Variants in NUP98 observed in about 807,000 individuals in gnomAD.
The protein encoded by NUP98 is nuclear pore complex protein Nup98-Nup96.
A neutral mutation model predicts 191.9 loss-of-function variants in NUP98; 26 were observed. The ratio of observed to expected loss-of-function variants is 0.14; its 90% CI spans 0.10 to 0.19. The LOEUF is 0.19. Among genes scored for constraint, NUP98 ranks in the 10% least tolerant of loss-of-function variants. The pLI is 1.00. For synonymous variants in NUP98, 808 were observed against 778.4 expected, an observed-to-expected ratio of 1.04 and a Z score of -0.63; for missense variants, 1,941 against 2,178.8, an observed-to-expected ratio of 0.89 and a Z score of 2.17.
chr11:3,675,793 G>A lies in NUP98; in HGVS notation c.*366C>T. The A allele has an allele frequency of 2.6e-6, 1 of 381,184 alleles. No individual in the cohort carries two copies. The highest frequency in any genetic ancestry group is 4.8e-6 in the Non-Finnish European group (1 of 206,670). 23.6% of individuals were successfully genotyped at this position (381,184 alleles called of 1,614,324 possible). ...GTCCTAGTATAAAAGGGCCAGGGTA[G>A]GAGTAGGGAAGCTGGTTGGCATGGA... On this transcript the variant is annotated 3_prime_UTR_variant, in exon 33 of 33. Coordinates refer to ENST00000324932, the MANE Select transcript of NUP98 (RefSeq NM_016320.5).
intron 1 of NUP98, among the ~76,000 whole-genome samples, chr11:3,785,844 A>T (rs1268610205): frequency 6.6e-6 from 1 of 152,176 alleles, no homozygotes; most frequent in African/African-American, 2.4e-5. Flanking sequence ...CCAAAAATGT[A>T]GTAAAATCCA....
At chr11:3,763,346 T>G (rs1036530024) in intron 8 of NUP98, among the ~76,000 whole-genome samples, 2 of 152,068 alleles carry the variant, frequency 1.3e-5, no homozygotes, top group Non-Finnish European at 2.9e-5. Context: ...AGGCGTCTAT[T>G]AAATAATAAG....
At chr11:3,690,991 A>G (rs2078294424) in intron 28 of NUP98, among the ~76,000 whole-genome samples, 1 of 152,242 alleles carries the variant, frequency 6.6e-6, no homozygotes, top group South Asian at 2.1e-4. Context: ...TATAGTAACA[A>G]AAAACTAGTC....
At chr11:3,712,859 A>C (rs2079061777) in intron 19 of NUP98, 131 bp from the exon 20 acceptor site, 3 of 842,590 alleles carry the variant, frequency 3.6e-6, no homozygotes, top group Non-Finnish European at 5.5e-6. Flanking sequence ...TTTAAAGCAA[A>C]ATATATCACC....
intron 8 of NUP98, among the ~76,000 whole-genome samples, chr11:3,767,265 C>A (rs2081370180): frequency 6.6e-6 from 1 of 151,500 alleles, no homozygotes; most frequent in African/African-American, 2.4e-5. Context: ...CCGGCTGATC[C>A]TTTTCATATG....
At chr11:3,727,226 G>A (rs999562505) in intron 14 of NUP98, among the ~76,000 whole-genome samples, 2 of 152,040 alleles carry the variant, frequency 1.3e-5, no homozygotes, top group South Asian at 2.1e-4. Flanking sequence ...ATAGTCCCAC[G>A]TACTTGAGAG....
chr11:3,774,223 C>T (rs902653256), intron 5 of NUP98, among the ~76,000 whole-genome samples: 3 of 150,104 alleles, frequency 2.0e-5, no homozygotes, highest in African/African-American at 7.4e-5. Context: ...TATGGTGAAA[C>T]CCCGTCTCTA....
intron 28 of NUP98, among the ~76,000 whole-genome samples, chr11:3,690,630 C>A (rs1198319439): frequency 6.6e-6 from 1 of 152,002 alleles, no homozygotes; most frequent in Non-Finnish European, 1.5e-5. Context: ...ACTACATGCC[C>A]AATAAAATGG....
chr11:3,729,261 C>T (rs965427128), intron 14 of NUP98, among the ~76,000 whole-genome samples: 4 of 151,922 alleles, frequency 2.6e-5, no homozygotes, highest in African/African-American at 9.7e-5. Flanking sequence ...TTCTAATTTA[C>T]AGACGGTGGA....
chr11:3,701,852 A>AT (rs748104295), intron 23 of NUP98, among the ~76,000 whole-genome samples: 3 of 151,102 alleles, frequency 2.0e-5, no homozygotes, highest in Non-Finnish European at 4.4e-5. Flanking sequence ...CGCCCAGCTA[A>AT]TTTTTTTTGT....
At chr11:3,734,208 G>C (rs976151476) in intron 13 of NUP98, among the ~76,000 whole-genome samples, 2 of 152,018 alleles carry the variant, frequency 1.3e-5, no homozygotes, top group Non-Finnish European at 2.9e-5. Flanking sequence ...GCTAATTTTT[G>C]TATATTTCAT....
chr11:3,782,250 T>C (rs1012878943), intron 1 of NUP98, 105 bp from the exon 2 acceptor site: 12 of 563,738 alleles, frequency 2.1e-5, no homozygotes, highest in African/African-American at 2.1e-4. Context: ...CGAACTATAG[T>C]ATATACTCTC....
intron 9 of NUP98, 118 bp downstream of exon 9, chr11:3,762,784 G>C (rs2081216334): frequency 3.0e-6 from 3 of 998,098 alleles, no homozygotes; most frequent in Non-Finnish European, 4.4e-6. Context: ...AATCATATTA[G>C]GCTGGTGCAA....
At chr11:3,685,886 G>T in intron 29 of NUP98, 87 bp downstream of exon 29, 1 of 1,014,750 alleles carries the variant, frequency 9.9e-7, no homozygotes, top group Non-Finnish European at 1.5e-6. Context: ...ACAATTACTT[G>T]CTAAACTGAA....
intron 14 of NUP98, among the ~76,000 whole-genome samples, chr11:3,730,007 T>C (rs2079781519): frequency 6.6e-6 from 1 of 152,044 alleles, no homozygotes; most frequent in Admixed American, 6.6e-5. Context: ...TTTGGGAGTC[T>C]GAGGCAGGTG....
rs1391669937 is a variant in NUP98, at chr11:3,700,820, T to C, written c.3532A>G (p.Lys1178Glu). ...AVKPLTESPF[K>E]VHLEKLSLRQ... ...AAACTGAGTTTTTCTAAGTGAACTT[T>C]GAATGGGGACTCAGTTAGGCTACAA... The change falls in exon 24 of 33, where the codon AAA becomes GAA. Residue 1178 changes from lysine (K) to glutamate (E), a missense_variant. Physicochemically the swap from Lys to Glu is moderately conservative, Grantham distance 56 (BLOSUM62 1). Around this residue, in one of 6 missense-constraint regions of NUP98, gnomAD observed 1,030 missense variants for 1,115.8 expected, o/e 0.92. Transcript: ENST00000324932. 6.2e-7 allele frequency: 1 copy of C among 1,613,572 alleles called. No individual in the cohort carries two copies. The highest frequency in any genetic ancestry group is 1.1e-5 in the South Asian group (1 of 91,038).
At chr11:3,721,722 AG>A (rs1414631227) in intron 16 of NUP98, among the ~76,000 whole-genome samples, 1 of 152,114 alleles carries the variant, frequency 6.6e-6, no homozygotes, top group Non-Finnish European at 1.5e-5. Flanking sequence ...GGAGGAAGGA[AG>A]AAAAGAAGAA....
chr11:3,770,082 C>T (rs1299223151), intron 7 of NUP98, among the ~76,000 whole-genome samples: 1 of 149,406 alleles, frequency 6.7e-6, no homozygotes, highest in Non-Finnish European at 1.5e-5. Flanking sequence ...CCATGGCTCA[C>T]GCCTATAATC....
Position 3,683,235 on chromosome 11 carries a change from C to A in NUP98, c.4883G>T (p.Arg1628Leu). The change falls in exon 30 of 33, where the codon CGC (arginine) becomes CTC (leucine). Residue 1628 changes from arginine to leucine, a missense_variant. Around this residue, in one of 6 missense-constraint regions of NUP98, gnomAD observed 1,030 missense variants for 1,115.8 expected, o/e 0.92. Coordinates refer to ENST00000324932, the MANE Select transcript of NUP98 (RefSeq NM_016320.5). Reference sequence around the variant, plus strand: ...GTGTCGGATGATGAGCTTGTGGCAGCGGTTCCAGTGCTCAGCCTTAAATAA... The same window carrying A: ...GTGTCGGATGATGAGCTTGTGGCAGAGGTTCCAGTGCTCAGCCTTAAATAA... ...LCLFKAEHWN[R>L]CHKLIIRHLA... is the part of the protein sequence containing the mutation. 1 of 1,614,112 alleles carries A rather than the reference C, an allele frequency of 6.2e-7. No homozygotes were observed. Among genetic ancestry groups the A allele is most frequent in the Non-Finnish European group, 8.5e-7 (1 of 1,180,010 alleles).
Sources: gnomAD v4.1 joint callset for allele counts (sites outside exome capture counted in the v4.1 genomes callset) on GRCh38, gnomAD v4.1.1 for gene constraint, gnomAD v4.1.1 regional missense constraint, MANE v1.5 for transcripts, NCBI Gene and HGNC (gene_info 2026-07-23, HGNC 2026-07-21) for gene names.